Variants in VWCE observed in about 807,000 individuals in gnomAD.
VWCE encodes von Willebrand factor C and EGF domains.
A neutral mutation model predicts 102.9 loss-of-function variants in VWCE; 68 were observed. The ratio of observed to expected loss-of-function variants is 0.66; its 90% CI spans 0.54 to 0.81. The LOEUF is 0.81. Among genes scored for constraint, VWCE ranks in the 30% least tolerant of loss-of-function variants. The probability of loss-of-function intolerance (pLI) is 0.00; values close to 1 mark genes in which losing one functional copy is unlikely to be tolerated. For missense variants in VWCE, 1,137 were observed against 1,263.6 expected (o/e 0.90, Z 1.52); for synonymous variants, 497 against 515.4 (o/e 0.96, Z 0.48).
chr11:61,294,904 C>T lies in VWCE; in HGVS notation c.110+24G>A. On this transcript the variant is annotated intron_variant, in intron 1 of 19. Transcript: ENST00000335613. The surrounding 1 kb of genome is among the most constrained non-coding windows in gnomAD (Gnocchi z 6.3). ...GGTAGCGCTCTCCCGGGCGGGGGAG[C>T]GGGGAGGAGCTCCGGGCGCTTACCT... 1 of 1,362,204 alleles carries T rather than the reference C, an allele frequency of 7.3e-7. No individual in the cohort carries two copies. Among genetic ancestry groups the T allele is most frequent in the Non-Finnish European group, 9.5e-7 (1 of 1,048,240 alleles). The allele number at this position is 1,362,204 out of a possible 1,614,324, so 84.4% of individuals were successfully genotyped here.
chr11:61,293,981 G>A (rs1254057001), intron 1 of VWCE, among the ~76,000 whole-genome samples: 3 of 152,156 alleles, frequency 2.0e-5, no homozygotes, highest in African/African-American at 7.2e-5. Context: ...GGAGGGGACC[G>A]GGCGAATGAG....
At position 61,267,946 on chromosome 11, in the gene VWCE, C is replaced by A. The variant is rs77237141; in HGVS notation, c.1883-402G>T. 1.2e-4 allele frequency among the ~76,000 whole-genome samples: 19 copies of A among 152,190 alleles called. No individual in the cohort carries two copies. The East Asian group carries it at 3.3e-3, about 26-fold the overall frequency. On this transcript the variant is annotated intron_variant, in intron 15 of 19. Transcript: ENST00000335613. ...ACCAACCCCGCCTGTCCAGAACATT[C>A]CCCAACACTACTCCCCTCTCTGATT...
chr11:61,259,214 G>A lies in VWCE; in HGVS notation c.2329C>T (p.Pro777Ser), dbSNP rs375549602. 6.2e-7 allele frequency: 1 copy of A among 1,614,016 alleles called. No individual in the cohort carries two copies. The highest frequency in any genetic ancestry group is 1.3e-5 in the African/African-American group (1 of 74,926). The change falls in exon 20 of 20, where the codon CCT becomes TCT. Residue 777 changes from proline to serine, a missense_variant. By Grantham distance (74) the Pro-to-Ser change is moderately conservative (BLOSUM62 -1). This residue lies in a region of VWCE where 316 missense variants were observed against 319.3 expected (regional missense o/e 0.99). Coordinates refer to ENST00000335613, the MANE Select transcript of VWCE (RefSeq NM_152718.2). ...CCAGGACAGGAGCTACAGTTGACAG[G>A]GGCCTCAGTGTCTCCATGCAGGCTC... Reference protein sequence around the residue: ...GRSLHGDTEAPVNCSSCPGPP... With the variant: ...GRSLHGDTEASVNCSSCPGPP...
At chr11:61,273,094 A>G in intron 13 of VWCE, 105 bp downstream of exon 13, 1 of 1,149,042 alleles carries the variant, frequency 8.7e-7, no homozygotes, top group Non-Finnish European at 1.3e-6. Flanking sequence ...ACATGTACAC[A>G]CACACACAAA....
intron 5 of VWCE, 95 bp from the exon 6 acceptor site, chr11:61,283,000 C>T: frequency 1.9e-6 from 2 of 1,066,574 alleles, no homozygotes; most frequent in Middle Eastern, 2.4e-4. Flanking sequence ...ATCTCCTATA[C>T]ACACAGGGCT....
Position 61,264,715 on chromosome 11 carries a change from G to A in VWCE, c.2140-138C>T, listed in dbSNP as rs934321082. On this transcript the variant is annotated intron_variant, in intron 18 of 19. Transcript: ENST00000335613. ...CAGAGGCTGCAGTGCCTGAGCCCTC[G>A]CCTGGAGAACAGGTAAAGCCAGCTA... is the stretch of plus-strand genomic sequence containing the variant. The A allele has an allele frequency of 2.7e-5, 28 of 1,024,376 alleles. No individual in the cohort carries two copies. In the Admixed American group the frequency reaches 5.0e-4, roughly 18 times the overall value. 63.5% of individuals were successfully genotyped at this position (1,024,376 alleles called of 1,614,324 possible).
At position 61,290,761 on chromosome 11, in the gene VWCE, T is replaced by C. The variant is rs998034390; in HGVS notation, c.424+38A>G. Reference sequence around the variant, plus strand: ...GGGGGAGGAGATATAATTCCCGCTGTCCCCCTCCCCCTCCCCCACCACTCC... The same window carrying C: ...GGGGGAGGAGATATAATTCCCGCTGCCCCCCTCCCCCTCCCCCACCACTCC... On this transcript the variant is annotated intron_variant, in intron 4 of 19. Transcript: ENST00000335613. The C allele has an allele frequency of 1.9e-6, 3 of 1,569,390 alleles. No homozygotes were observed. In the South Asian group the frequency reaches 3.4e-5, roughly 18 times the overall value.
At chr11:61,259,702 A>G (rs943338647) in intron 19 of VWCE, among the ~76,000 whole-genome samples, 7 of 152,152 alleles carry the variant, frequency 4.6e-5, no homozygotes, top group South Asian at 2.1e-4. Context: ...TATAACAAAC[A>G]TGCCACGCTG....
intron 4 of VWCE, among the ~76,000 whole-genome samples, chr11:61,289,550 A>G (rs1329661863): frequency 6.6e-6 from 1 of 151,046 alleles, no homozygotes; most frequent in Non-Finnish European, 1.5e-5. Flanking sequence ...AAGCCTAGCG[A>G]AAAAAAAAAT....
chr11:61,272,204 CAT>C (rs746975429), intron 13 of VWCE, among the ~76,000 whole-genome samples: 1 of 151,952 alleles, frequency 6.6e-6, no homozygotes, highest in Admixed American at 6.6e-5. Flanking sequence ...CAGACACACA[CAT>C]ACTCATACAA....
intron 19 of VWCE, among the ~76,000 whole-genome samples, chr11:61,264,253 CAGA>C (rs1407339717): frequency 1.0e-4 from 13 of 125,962 alleles, no homozygotes; most frequent in South Asian, 1.0e-3. Flanking sequence ...AAAAAAAAAG[CAGA>C]AGAAGAAGAA....
intron 15 of VWCE, 29 bp downstream of exon 15, chr11:61,268,892 TG>T: frequency 6.2e-7 from 1 of 1,607,776 alleles, no homozygotes; most frequent in Non-Finnish European, 8.5e-7. Context: ...TGCCCTGCCC[TG>T]GGGGCTTGGG....
chr11:61,266,504 C>T (rs890270429), intron 16 of VWCE, among the ~76,000 whole-genome samples: 3 of 151,936 alleles, frequency 2.0e-5, no homozygotes, highest in East Asian at 1.9e-4. Flanking sequence ...GCCAAGATCA[C>T]GCTACTGCAC....
Position 61,259,327 on chromosome 11 carries a change from G to T in VWCE, c.2231-15C>A. Reference sequence around the variant, plus strand: ...AGACAGGGAATCTAGAGAGACGAGGGTGAAACGAGATGCACAATGGCTCTC... The same window carrying T: ...AGACAGGGAATCTAGAGAGACGAGGTTGAAACGAGATGCACAATGGCTCTC... On this transcript the variant is annotated splice_polypyrimidine_tract_variant and intron_variant, in intron 19 of 19. Transcript: ENST00000335613. 1 of 1,553,090 alleles carries T rather than the reference G, an allele frequency of 6.4e-7. No homozygotes were observed. Among genetic ancestry groups the T allele is most frequent in the Non-Finnish European group, 8.7e-7 (1 of 1,150,526 alleles).
intron 13 of VWCE, among the ~76,000 whole-genome samples, chr11:61,272,678 A>T (rs1419410511): frequency 2.0e-5 from 3 of 152,030 alleles, no homozygotes; most frequent in African/African-American, 7.3e-5. Context: ...AAATTTACAC[A>T]CATTCATACA....
chr11:61,291,545 C>A lies in VWCE; in HGVS notation c.142G>T (p.Gly48Trp). 1 of 1,471,736 alleles carries A rather than the reference C, an allele frequency of 6.8e-7. No individual in the cohort carries two copies. The highest frequency in any genetic ancestry group is 2.5e-5 in the East Asian group (1 of 40,180). The allele number at this position is 1,471,736 out of a possible 1,614,324, so 91.2% of individuals were successfully genotyped here. A position where few individuals can be genotyped will look rare whatever the true frequency, so the allele number is the denominator to read the frequency against. ...CCAGGGCAGCAGCCACTCCCAAACC[C>A]AGAGAGGCAGACGTGGGGGCCCAGT... ...RRLGPHVCLS[G>W]FGSGCCPGWA... Residue 48 changes from glycine (G) to tryptophan (W), a missense_variant, in exon 2 of 20, where the codon GGG becomes TGG. Transcript: ENST00000335613.
At position 61,267,184 on chromosome 11, in the gene VWCE, G is replaced by A. The variant is rs142794426; in HGVS notation, c.1965+278C>T. ...GACACAGGAGAATCGCTTGAACTCGGGAAGCGGAGGTTGCAGTGAGCCAAG... is the reference window on the plus strand; with the variant it reads ...GACACAGGAGAATCGCTTGAACTCGAGAAGCGGAGGTTGCAGTGAGCCAAG... On this transcript the variant is annotated intron_variant, in intron 16 of 19. Coordinates refer to ENST00000335613, the MANE Select transcript of VWCE (RefSeq NM_152718.2). Among the ~76,000 whole-genome samples the A allele has an allele frequency of 6.7e-3, 1,018 of 152,226 alleles. 13 individuals carry two copies. The highest frequency in any genetic ancestry group is 0.024 in the African/African-American group (983 of 41,532).
rs1854708618 is a variant in VWCE at position 61,271,695 on chromosome 11, AGG to A, written c.1763_1764del (p.Pro588LeufsTer2). The A allele has an allele frequency of 6.2e-7, 1 of 1,613,120 alleles. No homozygotes were observed. The highest frequency in any genetic ancestry group is 1.3e-5 in the African/African-American group (1 of 74,920). On this transcript the variant is annotated frameshift_variant, in exon 14 of 20. Transcript: ENST00000335613. LOFTEE classifies it high-confidence loss of function. ...TTCACCTGGCAGATGCATAACTCAC[AGG>A]GGTCACCAGGCGACCAGATCTGTCC... ...PIGQIWSPGDPCELCICQADG... is the reference protein window; with the variant it reads ...PIGQIWSPGDXCELCICQADG...
intron 19 of VWCE, among the ~76,000 whole-genome samples, chr11:61,261,982 T>A (rs982994407): frequency 2.2e-4 from 34 of 152,112 alleles, no homozygotes; most frequent in Admixed American, 1.9e-3. Context: ...TGAGACAGAG[T>A]CTTGCTCTGT....
Sources: allele counts gnomAD v4.1 joint callset (sites outside exome capture counted in the v4.1 genomes callset), GRCh38; gene constraint gnomAD v4.1.1; regional missense constraint gnomAD v4.1.1; non-coding constraint Gnocchi (gnomAD v3.1); transcripts MANE v1.5; gene names NCBI Gene and HGNC (gene_info 2026-07-23, HGNC 2026-07-21).